The following SYN2 variants were observed in gnomAD, a reference collection of about 807,000 sequenced individuals.
SYN2 encodes the protein synapsin-2.
Under a neutral mutation model 50.9 loss-of-function variants are expected in SYN2, and 19 were observed. The observed-to-expected ratio is 0.37, with a 90% confidence interval of 0.26 to 0.55. The LOEUF is 0.55. SYN2 is among the 20% of genes least tolerant of loss of function. The pLI is 0.81. For missense variants in SYN2, 587 were observed against 576.4 expected, an observed-to-expected ratio of 1.02 and a Z score of -0.19; for synonymous variants, 255 against 224.9, an observed-to-expected ratio of 1.13 and a Z score of -1.20.
chr3:12,013,446 A>G (rs567077524), intron 1 of SYN2, among the ~76,000 whole-genome samples: 2 of 152,240 alleles, frequency 1.3e-5, no homozygotes, highest in African/African-American at 4.8e-5. Context: ...TTACCTCTTA[A>G]GTACAATCAG....
chr3:12,055,793 A>G (rs558274263), intron 1 of SYN2, among the ~76,000 whole-genome samples: 25 of 152,346 alleles, frequency 1.6e-4, no homozygotes, highest in African/African-American at 5.5e-4. Context: ...ATGGGAATAA[A>G]ATGAATTTTT....
chr3:12,139,146 G>T (rs1696962239), intron 1 of SYN2, among the ~76,000 whole-genome samples: 1 of 152,176 alleles, frequency 6.6e-6, no homozygotes, highest in South Asian at 2.1e-4. Context: ...TGCCTCAGAG[G>T]AGCAATTTGA....
intron 1 of SYN2, among the ~76,000 whole-genome samples, chr3:12,035,896 G>T (rs1034495777): frequency 6.6e-5 from 10 of 152,028 alleles, no homozygotes; most frequent in Non-Finnish European, 1.5e-4. Context: ...TGTTGGTGAG[G>T]GTCCAGGTTT....
intron 10 of SYN2, among the ~76,000 whole-genome samples, chr3:12,172,129 G>A (rs1260610094): frequency 6.6e-6 from 1 of 152,164 alleles, no homozygotes; most frequent in Non-Finnish European, 1.5e-5. Context: ...CATGCTGGGA[G>A]TCAGGACACA....
intron 5 of SYN2, among the ~76,000 whole-genome samples, chr3:12,160,210 C>G (rs1697615342): frequency 6.6e-6 from 1 of 152,100 alleles, no homozygotes; most frequent in African/African-American, 2.4e-5. Flanking sequence ...TGGTGCTGGA[C>G]TGGATAGTGG....
At chr3:12,111,005 T>G (rs1195078675) in intron 1 of SYN2, among the ~76,000 whole-genome samples, 3 of 151,944 alleles carry the variant, frequency 2.0e-5, no homozygotes, top group Non-Finnish European at 2.9e-5. Flanking sequence ...GAAGGCATGG[T>G]TGGTTTTGAA....
chr3:12,023,185 CA>C, intron 1 of SYN2, among the ~76,000 whole-genome samples: 1 of 151,354 alleles, frequency 6.6e-6, no homozygotes, highest in Non-Finnish European at 1.5e-5. Context: ...TCTGTAAATT[CA>C]AAAGTGCTTT....
chr3:12,031,545 T>C (rs1694382847), intron 1 of SYN2, among the ~76,000 whole-genome samples: 1 of 32,142 alleles, frequency 3.1e-5, no homozygotes, highest in South Asian at 1.7e-3. Flanking sequence ...CAGGACTTGC[T>C]TTATGAATCT....
At chr3:12,100,801 A>G (rs1696056741) in intron 1 of SYN2, among the ~76,000 whole-genome samples, 1 of 152,136 alleles carries the variant, frequency 6.6e-6, no homozygotes, top group African/African-American at 2.4e-5. Flanking sequence ...AAAAAATGAC[A>G]TGGGATTTAA....
intron 1 of SYN2, among the ~76,000 whole-genome samples, chr3:12,038,320 A>G (rs1694544560): frequency 6.6e-6 from 1 of 152,134 alleles, no homozygotes; most frequent in Non-Finnish European, 1.5e-5. Context: ...TCATTACTGT[A>G]GCTTTGTAGC....
chr3:12,092,348 T>G (rs1047332818), intron 1 of SYN2, among the ~76,000 whole-genome samples: 7 of 152,186 alleles, frequency 4.6e-5, no homozygotes, highest in African/African-American at 1.7e-4. Flanking sequence ...AAGAGGTGGT[T>G]AAGACACAAT....
chr3:12,153,098 T>G, intron 5 of SYN2: 1 of 249,002 alleles, frequency 4.0e-6, no homozygotes, highest in Non-Finnish European at 8.1e-6. Flanking sequence ...AGTCAGCCTG[T>G]TTATGATGCT....
At chr3:12,029,867 A>ATTTC (rs1694344270) in intron 1 of SYN2, among the ~76,000 whole-genome samples, 1 of 103,636 alleles carries the variant, frequency 9.6e-6, no homozygotes, top group East Asian at 2.6e-4. Flanking sequence ...AATACCCTTT[A>ATTTC]TTTCTTTCTC....
intron 10 of SYN2, among the ~76,000 whole-genome samples, chr3:12,180,523 AGGGAATAGGCCC>A (rs1236708609): frequency 6.6e-6 from 1 of 152,222 alleles, no homozygotes; most frequent in Non-Finnish European, 1.5e-5. Context: ...CAAGCCCCAC[AGGGAATAGGCCC>A]GGAGCCCCTA....
At chr3:12,022,058 A>C (rs922929134) in intron 1 of SYN2, among the ~76,000 whole-genome samples, 2 of 150,042 alleles carry the variant, frequency 1.3e-5, no homozygotes, top group Non-Finnish European at 3.0e-5. Context: ...TGACAGAGTA[A>C]GATTGCAAGG....
At chr3:12,075,702 A>G (rs1191182859) in intron 1 of SYN2, among the ~76,000 whole-genome samples, 1 of 152,068 alleles carries the variant, frequency 6.6e-6, no homozygotes, top group Non-Finnish European at 1.5e-5. Context: ...CTGGAACAAT[A>G]TTTTTATCCT....
intron 1 of SYN2, among the ~76,000 whole-genome samples, chr3:12,017,939 T>A (rs1361548623): frequency 6.6e-6 from 1 of 152,262 alleles, no homozygotes; most frequent in Non-Finnish European, 1.5e-5. Flanking sequence ...AAGATGTTTT[T>A]AAGCTGACTT....
intron 1 of SYN2, among the ~76,000 whole-genome samples, chr3:12,032,322 T>C (rs1390424996): frequency 5.0e-5 from 1 of 19,864 alleles, no homozygotes; most frequent in African/African-American, 1.3e-4. Flanking sequence ...CATTTTTTCC[T>C]TCATTTCAAC....
chr3:12,098,587 G>A (rs392394), intron 1 of SYN2, among the ~76,000 whole-genome samples: 109,313 of 151,668 alleles, frequency 0.72, 40,467 homozygotes, highest in East Asian at 0.83. Context: ...AATGACAAAG[G>A]TATTTAAATG....
Sources: allele counts gnomAD v4.1 joint callset (sites outside exome capture counted in the v4.1 genomes callset), GRCh38; gene constraint gnomAD v4.1.1; transcripts MANE v1.5; gene names NCBI Gene and HGNC (gene_info 2026-07-23, HGNC 2026-07-21).